MROH7: variants seen among roughly 807,000 people sequenced by gnomAD.
The protein encoded by MROH7 is maestro heat-like repeat-containing protein family member 7.
Under a neutral mutation model 129.2 loss-of-function variants are expected in MROH7, and 113 were observed. That is an observed-to-expected ratio of 0.87 (90% CI 0.75 to 1.02). The LOEUF (loss-of-function observed/expected upper bound fraction) is 1.02. Among genes scored for constraint, MROH7 ranks in the 50% least tolerant of loss-of-function variants. The pLI is 0.00. For missense variants in MROH7, 1,601 were observed against 1,671.3 expected, an observed-to-expected ratio of 0.96 and a Z score of 0.73; for synonymous variants, 655 against 667.9, an observed-to-expected ratio of 0.98 and a Z score of 0.30.
At chr1:54,697,014 T>C (rs1020444542) in intron 17 of MROH7, among the ~76,000 whole-genome samples, 1 of 152,180 alleles carries the variant, frequency 6.6e-6, no homozygotes. Flanking sequence ...TTTCATTGCA[T>C]GTACATACCA....
At position 54,700,343 on chromosome 1, in the gene MROH7, G is replaced by T. The variant is rs145665162; in HGVS notation, c.2987G>T (p.Arg996Leu). 1 of 1,614,080 alleles carries T rather than the reference G, an allele frequency of 6.2e-7. No homozygotes were observed. The highest frequency in any genetic ancestry group is 2.2e-5 in the East Asian group (1 of 44,874). Reference sequence around the variant, plus strand: ...CAGCTCCTCCAGATGGAGCAGGTGCGCCGGATCCCCGAGGAATACTCTCTG... The same window carrying T: ...CAGCTCCTCCAGATGGAGCAGGTGCTCCGGATCCCCGAGGAATACTCTCTG... ...FVELLQMEQV[R>L]RIPEEYSLGR... Residue 996 changes from arginine to leucine, a missense_variant, in exon 18 of 24, where the codon CGC (arginine) becomes CTC (leucine). Coordinates refer to ENST00000421030, the MANE Select transcript of MROH7 (RefSeq NM_001039464.4).
Position 54,710,154 on chromosome 1 carries a change from A to T in MROH7, c.3939A>T (p.Ala1313=), listed in dbSNP as rs755101253. 11 of 1,613,476 alleles carry T rather than the reference A, an allele frequency of 6.8e-6. No homozygotes were observed. The East Asian group carries it at 2.5e-4, about 36-fold the overall frequency. The change falls in exon 24 of 24, where the codon GCA becomes GCT. Residue 1313 remains alanine (A), a synonymous_variant. Coordinates refer to ENST00000421030, the MANE Select transcript of MROH7 (RefSeq NM_001039464.4). ...SHQRRSWIMQ[A]LGSWKMSLKK The stretch of plus-strand genomic sequence containing the variant: ...AGCGGCGCTCCTGGATCATGCAGGC[A>T]CTGGGCTCCTGGAAGATGTCCTTGA...
chr1:54,699,874 C>CT, intron 17 of MROH7: 1 of 530,760 alleles, frequency 1.9e-6, no homozygotes, highest in Non-Finnish European at 3.3e-6. Flanking sequence ...CTTTAAGGCT[C>CT]TGAGTTTTGG....
At chr1:54,661,784 C>T (rs1447861215) in intron 3 of MROH7, among the ~76,000 whole-genome samples, 2 of 151,872 alleles carry the variant, frequency 1.3e-5, no homozygotes, top group East Asian at 2.0e-4. Flanking sequence ...TTAGTAGAGA[C>T]GGAGTTTCGC....
Position 54,673,708 on chromosome 1 carries a change from G to A in MROH7, c.1703G>A (p.Gly568Glu). The change falls in exon 9 of 24, where the codon GGG becomes GAG. Residue 568 changes from glycine (G) to glutamate (E), a missense_variant. Coordinates refer to ENST00000421030, the MANE Select transcript of MROH7 (RefSeq NM_001039464.4). ...TTGCTTTTGATCCCACAGGCCCTGG[G>A]GCCTTGGATGAACTCTGGGAAGGCC... ...AGLKSILEALGPWMNSGKAHE... is the reference protein window; with the variant it reads ...AGLKSILEALEPWMNSGKAHE... 4 of 1,613,762 alleles carry A rather than the reference G, an allele frequency of 2.5e-6. No individual in the cohort carries two copies. The highest frequency in any genetic ancestry group is 3.4e-6 in the Non-Finnish European group (4 of 1,179,684).
intron 16 of MROH7, 144 bp from the exon 17 acceptor site, chr1:54,695,232 C>A (rs573408814): frequency 6.5e-6 from 4 of 614,870 alleles, no homozygotes; most frequent in Admixed American, 2.9e-5. Flanking sequence ...CCTCTGAGAT[C>A]CCACCCAGGT....
At chr1:54,670,425 CG>C (rs1644878839) in intron 5 of MROH7, 71 bp from the exon 6 acceptor site, 3 of 1,349,120 alleles carry the variant, frequency 2.2e-6, no homozygotes, top group Non-Finnish European at 3.1e-6. Flanking sequence ...CTCCTTGTGA[CG>C]GGGGCAGCCT....
intron 3 of MROH7, among the ~76,000 whole-genome samples, chr1:54,656,941 C>T (rs371621069): frequency 6.6e-6 from 1 of 151,920 alleles, no homozygotes; most frequent in East Asian, 1.9e-4. Context: ...AATACCAGTG[C>T]TTTGAGAAGC....
chr1:54,649,519 G>A (rs530364561), intron 1 of MROH7, among the ~76,000 whole-genome samples: 6 of 152,270 alleles, frequency 3.9e-5, no homozygotes, highest in Non-Finnish European at 7.3e-5. Context: ...CCTGTCTGTT[G>A]CAGGATGGAG....
At chr1:54,702,793 G>T in intron 21 of MROH7, 48 bp downstream of exon 21, 1 of 1,559,502 alleles carries the variant, frequency 6.4e-7, no homozygotes, top group Non-Finnish European at 8.7e-7. Context: ...CATGTTGGAG[G>T]TGGCGAATTC....
At position 54,654,132 on chromosome 1, in the gene MROH7, C is replaced by G; in HGVS notation, c.1206C>G (p.Ala402=). 6.2e-7 allele frequency: 1 copy of G among 1,611,782 alleles called. No individual in the cohort carries two copies. The highest frequency in any genetic ancestry group is 8.5e-7 in the Non-Finnish European group (1 of 1,178,900). ...TCTCCAACCCCGCAGGCAAGGACGCCGTGACCTTGCAAGGCATCCCTGAGG... is the reference window on the plus strand; with the variant it reads ...TCTCCAACCCCGCAGGCAAGGACGCGGTGACCTTGCAAGGCATCCCTGAGG... ...FPISNPAGKD[A]VTLQGIPEGA... Residue 402 remains alanine (A), a synonymous_variant, in exon 3 of 24, where the codon GCC becomes GCG. Coordinates refer to ENST00000421030, the MANE Select transcript of MROH7 (RefSeq NM_001039464.4).
At chr1:54,649,310 C>T (rs1644518941) in intron 1 of MROH7, among the ~76,000 whole-genome samples, 1 of 152,258 alleles carries the variant, frequency 6.6e-6, no homozygotes, top group African/African-American at 2.4e-5. Flanking sequence ...CTGACCTTTC[C>T]ATCTGGGGCT....
In MROH7 at chr1:54,653,483, G is replaced by T. The variant is rs551587041; in HGVS notation, c.557G>T (p.Gly186Val). The T allele has an allele frequency of 2.5e-6, 4 of 1,614,170 alleles. No homozygotes were observed. The Admixed American group carries it at 6.7e-5, about 27-fold the overall frequency. The change falls in exon 3 of 24, where the codon GGT (glycine) becomes GTT (valine). Residue 186 changes from glycine (G) to valine (V), a missense_variant. Coordinates refer to ENST00000421030, the MANE Select transcript of MROH7 (RefSeq NM_001039464.4). Reference protein sequence around the residue: ...NPFIRHHSREGLVLGHCISRP... With the variant: ...NPFIRHHSREVLVLGHCISRP... ...TTTATAAGGCACCATTCCAGAGAAG[G>T]TCTGGTTCTGGGCCACTGCATCTCT... is the stretch of plus-strand genomic sequence containing the variant.
intron 3 of MROH7, among the ~76,000 whole-genome samples, chr1:54,655,926 C>T (rs2916381): frequency 0.38 from 55,405 of 144,028 alleles, 10,835 homozygotes; most frequent in South Asian, 0.56. Context: ...TGGAGTCTTG[C>T]TCCGTCACCA....
At chr1:54,659,391 T>C (rs941890707) in intron 3 of MROH7, among the ~76,000 whole-genome samples, 2 of 152,070 alleles carry the variant, frequency 1.3e-5, no homozygotes, top group East Asian at 3.9e-4. Context: ...CAAGCAATTC[T>C]CCTGCCTCAG....
chr1:54,647,439 C>T (rs1164655439), intron 1 of MROH7, among the ~76,000 whole-genome samples: 1 of 151,612 alleles, frequency 6.6e-6, no homozygotes, highest in Non-Finnish European at 1.5e-5. Flanking sequence ...GGTGAAACCC[C>T]GTCTCTACTT....
chr1:54,708,543 A>G (rs766625286), intron 22 of MROH7, among the ~76,000 whole-genome samples: 9 of 152,226 alleles, frequency 5.9e-5, no homozygotes, highest in Admixed American at 2.0e-4. Context: ...GGGATGAGCA[A>G]TGCATCAGAG....
chr1:54,654,267 T>C, intron 3 of MROH7, 110 bp downstream of exon 3: 1 of 1,090,700 alleles, frequency 9.2e-7, no homozygotes, highest in Non-Finnish European at 1.3e-6. Context: ...AGGCAGTTGA[T>C]AACATATGAT....
intron 15 of MROH7, among the ~76,000 whole-genome samples, chr1:54,689,224 C>T (rs1167264790): frequency 1.3e-5 from 2 of 152,150 alleles, no homozygotes; most frequent in Non-Finnish European, 2.9e-5. Flanking sequence ...GAGGCCCAGA[C>T]ACAGGGGAGA....
Sources: gnomAD v4.1 joint callset for allele counts (sites outside exome capture counted in the v4.1 genomes callset) on GRCh38, gnomAD v4.1.1 for gene constraint, MANE v1.5 for transcripts, NCBI Gene and HGNC (gene_info 2026-07-23, HGNC 2026-07-21) for gene names.